Variants in PHF3 observed in about 807,000 individuals in gnomAD.
The protein encoded by PHF3 is PHD finger protein 3.
In PHF3, 41 loss-of-function variants were observed where a neutral mutation model predicts 178.4. That is an observed-to-expected ratio of 0.23 (90% CI 0.18 to 0.30). The LOEUF (loss-of-function observed/expected upper bound fraction) is 0.30, where lower values mean the gene tolerates loss of function less well. Ranked by LOEUF, PHF3 falls within the 10% of genes least tolerant of loss-of-function variation. The probability of loss-of-function intolerance (pLI) is 1.00; values close to 1 mark genes in which losing one functional copy is unlikely to be tolerated. For synonymous variants in PHF3, 842 were observed against 800.5 expected (o/e 1.05, Z -0.88); for missense variants, 2,346 against 2,398.1 (o/e 0.98, Z 0.45).
Position 63,646,809 on chromosome 6 carries a change from T to A in PHF3, c.244+14T>A. ...CTTGTTCAACAGGTAATTCTTACTT[T>A]TTTTTTTTTTTTTTTTTTTAGTCTG... On this transcript the variant is annotated intron_variant, in intron 2 of 15. Transcript: ENST00000262043. The A allele has an allele frequency of 6.9e-6, 5 of 725,616 alleles. No individual in the cohort carries two copies. The highest frequency in any genetic ancestry group is 7.2e-6 in the Non-Finnish European group (4 of 552,810). The allele number at this position is 725,616 out of a possible 1,614,324, so 44.9% of individuals were successfully genotyped here.
intron 2 of PHF3, among the ~76,000 whole-genome samples, chr6:63,659,241 A>G (rs890536203): frequency 2.3e-4 from 35 of 152,338 alleles, no homozygotes; most frequent in African/African-American, 8.2e-4. Flanking sequence ...GTTGTACACC[A>G]TAAACATATA....
chr6:63,668,633 C>T (rs1355407734), intron 2 of PHF3, among the ~76,000 whole-genome samples: 1 of 152,094 alleles, frequency 6.6e-6, no homozygotes, highest in Non-Finnish European at 1.5e-5. Flanking sequence ...AGCCACTGCA[C>T]CCGGCCCTCT....
chr6:63,721,414 C>G lies in PHF3; in HGVS notation c.*7706C>G. ...TACCCACAGGCTGTCCCATCACAGT[C>G]ACCTACATTTGAGCCACCTTTTGCT... On this transcript the variant is annotated 3_prime_UTR_variant, in exon 16 of 16. Coordinates refer to ENST00000262043, the MANE Select transcript of PHF3 (RefSeq NM_001370348.2). 1 of 1,551,710 alleles carries G rather than the reference C, an allele frequency of 6.4e-7. No homozygotes were observed. The highest frequency in any genetic ancestry group is 8.7e-7 in the Non-Finnish European group (1 of 1,146,940).
At position 63,702,343 on chromosome 6, in the gene PHF3, CAT is replaced by C. The variant is rs1333272739; in HGVS notation, c.3100-161_3100-160del. ...CCGCAGTACTTAAAACTGTCTCTGG[CAT>C]ATAAAAGTACTCAGAATATGTTTGT... On this transcript the variant is annotated intron_variant, in intron 9 of 15. Coordinates refer to ENST00000262043, the MANE Select transcript of PHF3 (RefSeq NM_001370348.2). The C allele has an allele frequency of 2.0e-5, 8 of 409,544 alleles. No homozygotes were observed. The South Asian group carries it at 3.6e-4, about 18-fold the overall frequency. The allele number at this position is 409,544 out of a possible 1,614,324, so 25.4% of individuals were successfully genotyped here.
At chr6:63,638,154 C>T (rs180900808) in intron 1 of PHF3, among the ~76,000 whole-genome samples, 4 of 152,212 alleles carry the variant, frequency 2.6e-5, no homozygotes, top group Admixed American at 2.0e-4. Flanking sequence ...TGTCTTTAAT[C>T]ATTTCAAACT....
chr6:63,701,271 T>C (rs564385913), intron 9 of PHF3, among the ~76,000 whole-genome samples: 2 of 152,328 alleles, frequency 1.3e-5, no homozygotes, highest in South Asian at 2.1e-4. Context: ...TTCACAGAAA[T>C]ATTGTATATT....
intron 4 of PHF3, among the ~76,000 whole-genome samples, chr6:63,689,553 TTC>T (rs1368236590): frequency 3.9e-5 from 6 of 152,158 alleles, no homozygotes; most frequent in South Asian, 2.1e-4. Flanking sequence ...AGTGAGTCTT[TTC>T]TCTCTCTCAA....
rs1199026867 is a variant in PHF3 at position 63,655,125 on chromosome 6, A to G, written c.244+8330A>G. Among the ~76,000 whole-genome samples, 6 of 151,940 alleles carry G rather than the reference A, an allele frequency of 3.9e-5. No homozygotes were observed. In the East Asian group the frequency reaches 1.2e-3, roughly 29 times the overall value. On this transcript the variant is annotated intron_variant, in intron 2 of 15. Transcript: ENST00000262043. Reference sequence around the variant, plus strand: ...GTTGCTCAGGCTGTAGTGCAATGACACTATCTCAGCTCACTGCAACCTCCG... The same window carrying G: ...GTTGCTCAGGCTGTAGTGCAATGACGCTATCTCAGCTCACTGCAACCTCCG...
In PHF3 at chr6:63,717,808, A is replaced by G. The variant is rs1186267010; in HGVS notation, c.*4100A>G. ...GTCTTTTAAAACTCCTTATTTTAAG[A>G]TAATTTTGTCCTCAAAGTAATGATT... On this transcript the variant is annotated 3_prime_UTR_variant, in exon 16 of 16. Transcript: ENST00000262043. Among the ~76,000 whole-genome samples the G allele has an allele frequency of 6.6e-6, 1 of 152,080 alleles. No individual in the cohort carries two copies. Among genetic ancestry groups the G allele is most frequent in the Admixed American group, 6.6e-5 (1 of 15,228 alleles).
chr6:63,647,707 TG>T (rs1764849487), intron 2 of PHF3, among the ~76,000 whole-genome samples: 2 of 152,228 alleles, frequency 1.3e-5, no homozygotes, highest in South Asian at 4.1e-4. Flanking sequence ...GAAATTACTT[TG>T]TCATGTTAAT....
Position 63,705,251 on chromosome 6 carries a change from T to G in PHF3, c.3368-778T>G, listed in dbSNP as rs77445429. On this transcript the variant is annotated intron_variant, in intron 11 of 15. Transcript: ENST00000262043. ...TTAGGTTCTAGTAATAATATTTTCA[T>G]TTTAGCTTGTCTGAGTTGTTTAACA... Among the ~76,000 whole-genome samples, 342 of 152,300 alleles carry G rather than the reference T, an allele frequency of 2.2e-3. 2 individuals carry two copies. Among genetic ancestry groups the G allele is most frequent in the Middle Eastern group, 0.014 (4 of 294 alleles).
intron 1 of PHF3, among the ~76,000 whole-genome samples, chr6:63,637,693 G>A (rs1764404535): frequency 6.6e-6 from 1 of 151,956 alleles, no homozygotes. Flanking sequence ...TTCATTTTCT[G>A]GTGATAGTAG....
In PHF3 at chr6:63,684,368, T is replaced by TA; in HGVS notation, c.646_647insA (p.Ser216TyrfsTer12). 1 of 1,613,648 alleles carries TA rather than the reference T, an allele frequency of 6.2e-7. No individual in the cohort carries two copies. Among genetic ancestry groups the TA allele is most frequent in the Non-Finnish European group, 8.5e-7 (1 of 1,179,560 alleles). Reference sequence around the variant, plus strand: ...TGAAGTGGTACCTGAAGTATCAGTGTCTTCAAGTCATTCTTCAGTGTCATC... The same window carrying TA: ...TGAAGTGGTACCTGAAGTATCAGTGTACTTCAAGTCATTCTTCAGTGTCATC... On this transcript the variant is annotated frameshift_variant, in exon 4 of 16. Coordinates refer to ENST00000262043, the MANE Select transcript of PHF3 (RefSeq NM_001370348.2). LOFTEE classifies it high-confidence loss of function.
intron 2 of PHF3, among the ~76,000 whole-genome samples, chr6:63,654,830 G>A (rs115441736): frequency 6.7e-5 from 10 of 150,240 alleles, no homozygotes; most frequent in African/African-American, 1.7e-4. Context: ...GTTATGACCC[G>A]TTGACTGAGG....
chr6:63,638,126 G>A (rs1430611556), intron 1 of PHF3, among the ~76,000 whole-genome samples: 1 of 152,056 alleles, frequency 6.6e-6, no homozygotes, highest in Non-Finnish European at 1.5e-5. Flanking sequence ...TTTCAAGATA[G>A]AAAAATCGAA....
chr6:63,701,519 C>A (rs571176404), intron 9 of PHF3, among the ~76,000 whole-genome samples: 1 of 152,236 alleles, frequency 6.6e-6, no homozygotes, highest in East Asian at 1.9e-4. Flanking sequence ...AGAATGTTAG[C>A]CCCTTATTCT....
In PHF3 at chr6:63,684,200, A is replaced by G. The variant is rs753501277; in HGVS notation, c.478A>G (p.Lys160Glu). The G allele has an allele frequency of 6.2e-7, 1 of 1,613,988 alleles. No homozygotes were observed. The highest frequency in any genetic ancestry group is 2.2e-5 in the East Asian group (1 of 44,872). The change falls in exon 4 of 16, where the codon AAA becomes GAA. Residue 160 changes from lysine (K) to glutamate (E), a missense_variant. Transcript: ENST00000262043. ...SNAAPLSNTK[K>E]ASGKTVSTAK... ...TGCAGCACCATTAAGTAACACAAAAAAAGCATCTGGGAAGACTGTATCTAC... is the reference window on the plus strand; with the variant it reads ...TGCAGCACCATTAAGTAACACAAAAGAAGCATCTGGGAAGACTGTATCTAC...
chr6:63,691,972 A>C lies in PHF3; in HGVS notation c.2425A>C (p.Lys809Gln). ...TMECEKLGLSKHTTNDRTKYI... is the reference protein window; with the variant it reads ...TMECEKLGLSQHTTNDRTKYI... Reference sequence around the variant, plus strand: ...GGAGTGTGAAAAGCTTGGATTATCAAAACACACAACAAATGATAGAACCAA... The same window carrying C: ...GGAGTGTGAAAAGCTTGGATTATCACAACACACAACAAATGATAGAACCAA... The change falls in exon 5 of 16, where the codon AAA becomes CAA. Residue 809 changes from lysine (K) to glutamine (Q), a missense_variant. Physicochemically the swap from Lys to Gln is moderately conservative, Grantham distance 53. Coordinates refer to ENST00000262043, the MANE Select transcript of PHF3 (RefSeq NM_001370348.2). 6.2e-7 allele frequency: 1 copy of C among 1,613,858 alleles called. No homozygotes were observed. Among genetic ancestry groups the C allele is most frequent in the East Asian group, 2.2e-5 (1 of 44,846 alleles).
In PHF3 at chr6:63,684,286, A is replaced by C. The variant is rs1341047622; in HGVS notation, c.564A>C (p.Ser188=). ...RSQVKEEVCM[S]LKPEYHKENR... ...AGGTTAAAGAAGAAGTATGTATGTC[A>C]CTGAAACCTGAGTACCATAAGGAGA... The change falls in exon 4 of 16, where the codon TCA becomes TCC. Residue 188 remains serine (S), a synonymous_variant. Coordinates refer to ENST00000262043, the MANE Select transcript of PHF3 (RefSeq NM_001370348.2). 1 of 1,614,036 alleles carries C rather than the reference A, an allele frequency of 6.2e-7. No individual in the cohort carries two copies. Among genetic ancestry groups the C allele is most frequent in the South Asian group, 1.1e-5 (1 of 91,084 alleles).
Sources: gnomAD v4.1 joint callset for allele counts (sites outside exome capture counted in the v4.1 genomes callset) on GRCh38, gnomAD v4.1.1 for gene constraint, MANE v1.5 for transcripts, NCBI Gene and HGNC (gene_info 2026-07-23, HGNC 2026-07-21) for gene names.